The following SUPT3H variants were observed in gnomAD, a reference collection of about 807,000 sequenced individuals.
The protein encoded by SUPT3H is SPT3 homolog, SAGA and STAGA complex component, also known as transcription initiation protein SPT3 homolog.
Under a neutral mutation model 44.3 loss-of-function variants are expected in SUPT3H, and 44 were observed. The observed-to-expected ratio is 0.99, with a 90% CI of 0.78 to 1.28. The LOEUF (loss-of-function observed/expected upper bound fraction) is 1.28. Ranked by LOEUF, SUPT3H falls within the 50% of genes most tolerant of loss-of-function variation. The probability of loss-of-function intolerance (pLI) is 0.00; values close to 1 mark genes in which losing one functional copy is unlikely to be tolerated. For synonymous variants in SUPT3H, 124 were observed against 125.6 expected (o/e 0.99, Z 0.09); for missense variants, 380 against 387.1 (o/e 0.98, Z 0.15).
chr6:44,962,483 G>A (rs1776165524), intron 6 of SUPT3H, among the ~76,000 whole-genome samples: 2 of 151,700 alleles, frequency 1.3e-5, no homozygotes, highest in Admixed American at 6.6e-5. Flanking sequence ...GACCACTTCC[G>A]CTTCCTTGGT....
intron 8 of SUPT3H, among the ~76,000 whole-genome samples, chr6:44,953,851 C>A (rs1774693783): frequency 1.3e-5 from 2 of 152,106 alleles, no homozygotes; most frequent in Non-Finnish European, 2.9e-5. Context: ...CCTGCCTCAG[C>A]CTTCCTGAGT....
At position 44,954,562 on chromosome 6, in the gene SUPT3H, A is replaced by G. The variant is rs188622836; in HGVS notation, c.626T>C (p.Met209Thr). 758 of 1,614,174 alleles carry G rather than the reference A, an allele frequency of 4.7e-4. 2 individuals are homozygous for G. The highest frequency in any genetic ancestry group is 1.1e-3 in the Admixed American group (64 of 60,028). Reference protein sequence around the residue: ...KFRDWLDCSSMEIKPNVVAME... With the variant: ...KFRDWLDCSSTEIKPNVVAME... ...TGCGACAACATTGGGTTTTATCTCC[A>G]TACTGCTGCAGTCCAACCAGTCTCG... Residue 209 changes from methionine (M) to threonine (T), a missense_variant, in exon 8 of 11, where the codon ATG becomes ACG. By Grantham distance (81) the Met-to-Thr change is moderately conservative (BLOSUM62 -1). Transcript: ENST00000371459.
At chr6:45,277,502 C>T (rs1407266593) in intron 2 of SUPT3H, among the ~76,000 whole-genome samples, 1 of 152,114 alleles carries the variant, frequency 6.6e-6, no homozygotes, top group Non-Finnish European at 1.5e-5. Flanking sequence ...CATAAACTTT[C>T]CACCACAAAT....
intron 3 of SUPT3H, among the ~76,000 whole-genome samples, chr6:45,081,334 G>A (rs145821893): frequency 3.3e-5 from 5 of 151,890 alleles, no homozygotes; most frequent in Admixed American, 3.3e-4. Context: ...GTTAATACAT[G>A]GTATTCTCCT....
chr6:44,947,020 C>T (rs144065279), intron 9 of SUPT3H, among the ~76,000 whole-genome samples: 7 of 152,158 alleles, frequency 4.6e-5, no homozygotes, highest in East Asian at 1.9e-4. Context: ...CCATTAACAT[C>T]GAGGCAAAAC....
At chr6:45,147,719 G>A (rs775356746) in intron 2 of SUPT3H, among the ~76,000 whole-genome samples, 2 of 151,924 alleles carry the variant, frequency 1.3e-5, no homozygotes, top group Non-Finnish European at 2.9e-5. Flanking sequence ...CCTGATCCCT[G>A]TCACTTTGGC....
chr6:45,208,057 A>T (rs189486134), intron 2 of SUPT3H, among the ~76,000 whole-genome samples: 9 of 152,330 alleles, frequency 5.9e-5, no homozygotes, highest in Admixed American at 3.9e-4. Context: ...TTGTGCATGA[A>T]AAGGGAAAGT....
chr6:45,376,339 C>T (rs1429821364), intron 1 of SUPT3H, among the ~76,000 whole-genome samples: 1 of 152,226 alleles, frequency 6.6e-6, no homozygotes, highest in African/African-American at 2.4e-5. Context: ...TATCAAGACT[C>T]GGAAGGACTC....
intron 9 of SUPT3H, among the ~76,000 whole-genome samples, chr6:44,934,570 G>A (rs1771117201): frequency 6.6e-6 from 1 of 152,162 alleles, no homozygotes; most frequent in African/African-American, 2.4e-5. Context: ...ACAAAGTGAT[G>A]GTATTAGGAT....
chr6:45,074,080 T>C lies in SUPT3H; in HGVS notation c.186+31842A>G, dbSNP rs113118712. On this transcript the variant is annotated intron_variant, in intron 3 of 10. Coordinates refer to ENST00000371459, the MANE Select transcript of SUPT3H (RefSeq NM_003599.4). ...AGAATAAAAATGTTAACTCTATATGTAATTTTAGTCACACAGTCCTTTATT... is the reference window on the plus strand; with the variant it reads ...AGAATAAAAATGTTAACTCTATATGCAATTTTAGTCACACAGTCCTTTATT... 8.1e-3 allele frequency among the ~76,000 whole-genome samples: 1,234 copies of C among 151,748 alleles called. 26 individuals are homozygous for C. Among genetic ancestry groups the C allele is most frequent in the African/African-American group, 0.028 (1,166 of 41,536 alleles).
At chr6:45,100,374 T>A (rs1798376770) in intron 3 of SUPT3H, among the ~76,000 whole-genome samples, 1 of 150,296 alleles carries the variant, frequency 6.7e-6, no homozygotes. Context: ...AAATGAAAAA[T>A]CCAATTAAAA....
intron 6 of SUPT3H, among the ~76,000 whole-genome samples, chr6:44,989,262 C>A (rs1780270126): frequency 6.6e-6 from 1 of 152,072 alleles, no homozygotes; most frequent in African/African-American, 2.4e-5. Flanking sequence ...TGGCTTACTG[C>A]ACTTAGCATA....
intron 10 of SUPT3H, among the ~76,000 whole-genome samples, chr6:44,854,892 T>C (rs1001836043): frequency 1.3e-5 from 2 of 152,204 alleles, no homozygotes; most frequent in African/African-American, 2.4e-5. Context: ...CAGGATTCAT[T>C]ATATTACTTA....
intron 2 of SUPT3H, among the ~76,000 whole-genome samples, chr6:45,274,014 A>C (rs960671082): frequency 6.6e-6 from 1 of 152,232 alleles, no homozygotes; most frequent in African/African-American, 2.4e-5. Flanking sequence ...GGTGTGAAGT[A>C]GTCATCATTG....
chr6:45,116,173 T>C (rs1015323746), intron 2 of SUPT3H, among the ~76,000 whole-genome samples: 1 of 152,166 alleles, frequency 6.6e-6, no homozygotes, highest in African/African-American at 2.4e-5. Context: ...TTTCACAGCA[T>C]TTAAGGAAGT....
chr6:45,284,445 A>C (rs1778817174), intron 2 of SUPT3H, among the ~76,000 whole-genome samples: 2 of 152,220 alleles, frequency 1.3e-5, no homozygotes, highest in Admixed American at 1.3e-4. Flanking sequence ...ACAAACTATC[A>C]TCAGAGAATA....
In SUPT3H at chr6:45,360,633, T is replaced by A. The variant is rs1293440934; in HGVS notation, c.101+4568A>T. ...TAGTCAAATGATACCATTTCACATA[T>A]AAAACAAAGCTCTAGTACACTGCAG... On this transcript the variant is annotated intron_variant, in intron 2 of 10. Transcript: ENST00000371459. 2.0e-5 allele frequency among the ~76,000 whole-genome samples: 3 copies of A among 152,198 alleles called. No homozygotes were observed. The East Asian group carries it at 5.8e-4, about 29-fold the overall frequency.
At chr6:44,968,429 C>T (rs1777084051) in intron 6 of SUPT3H, among the ~76,000 whole-genome samples, 1 of 152,094 alleles carries the variant, frequency 6.6e-6, no homozygotes, top group African/African-American at 2.4e-5. Flanking sequence ...GGTAAAGAAG[C>T]TGAGGTCCAG....
chr6:45,303,258 G>A (rs1242504519), intron 2 of SUPT3H, among the ~76,000 whole-genome samples: 1 of 152,062 alleles, frequency 6.6e-6, no homozygotes, highest in Non-Finnish European at 1.5e-5. Context: ...CAAAAACAAA[G>A]ACAAATAGGT....
Sources: gnomAD v4.1 joint callset for allele counts (sites outside exome capture counted in the v4.1 genomes callset) on GRCh38, gnomAD v4.1.1 for gene constraint, MANE v1.5 for transcripts, NCBI Gene and HGNC (gene_info 2026-07-23, HGNC 2026-07-21) for gene names.